The following MARCHF11 variants were observed in gnomAD, a reference collection of about 807,000 sequenced individuals.
The protein encoded by MARCHF11 is membrane associated ring-CH-type finger 11.
Under a neutral mutation model 37.3 loss-of-function variants are expected in MARCHF11, and 29 were observed. That is an observed-to-expected ratio of 0.78 (90% confidence interval 0.58 to 1.06). The LOEUF (loss-of-function observed/expected upper bound fraction) is 1.06. Ranked by LOEUF, MARCHF11 falls within the 50% of genes least tolerant of loss-of-function variation. The pLI is 0.00. For synonymous variants in MARCHF11, 233 were observed against 228.0 expected (o/e 1.02, Z -0.20); for missense variants, 482 against 533.4 (o/e 0.90, Z 0.95).
intron 2 of MARCHF11, among the ~76,000 whole-genome samples, chr5:16,117,156 A>G (rs1737238188): frequency 6.6e-6 from 1 of 152,226 alleles, no homozygotes; most frequent in South Asian, 2.1e-4. Flanking sequence ...CAGTAGCTCT[A>G]TCTGAGAAGA....
chr5:16,166,403 A>T (rs1284464866), intron 2 of MARCHF11, among the ~76,000 whole-genome samples: 1 of 151,936 alleles, frequency 6.6e-6, no homozygotes, highest in Non-Finnish European at 1.5e-5. Flanking sequence ...ATATGTGTAA[A>T]TATTTCTATA....
chr5:16,091,030 T>C lies in MARCHF11; in HGVS notation c.745A>G (p.Ile249Val). Residue 249 changes from isoleucine (I) to valine (V), a missense_variant, in exon 3 of 4, where the codon ATC becomes GTC. Physicochemically the swap from Ile to Val is conservative, Grantham distance 29. Coordinates refer to ENST00000332432, the MANE Select transcript of MARCHF11 (RefSeq NM_001102562.3). ...LVEKVQMIAV[I>V]LGSLFLIASV... is the part of the protein sequence containing the mutation. ...GCTATTAAGAACAGGGATCCTAGGA[T>C]TACAGCAATCATCTGAACTTTCTCA... is the stretch of plus-strand genomic sequence containing the variant. 2 of 1,607,790 alleles carry C rather than the reference T, an allele frequency of 1.2e-6. No homozygotes were observed. The highest frequency in any genetic ancestry group is 1.7e-6 in the Non-Finnish European group (2 of 1,176,912).
intron 2 of MARCHF11, among the ~76,000 whole-genome samples, chr5:16,129,841 C>G (rs1017502488): frequency 2.0e-5 from 3 of 152,096 alleles, no homozygotes; most frequent in African/African-American, 7.2e-5. Context: ...GACCAACTTA[C>G]TTTTATCTTA....
At chr5:16,146,396 A>G (rs1737795494) in intron 2 of MARCHF11, among the ~76,000 whole-genome samples, 1 of 152,218 alleles carries the variant, frequency 6.6e-6, no homozygotes, top group Non-Finnish European at 1.5e-5. Flanking sequence ...TGCTGAAAGC[A>G]TTCTATTTCT....
chr5:16,074,523 G>GT, intron 3 of MARCHF11, among the ~76,000 whole-genome samples: 1 of 152,168 alleles, frequency 6.6e-6, no homozygotes. Context: ...AGACATGTTG[G>GT]TTTTTCTACT....
intron 2 of MARCHF11, among the ~76,000 whole-genome samples, chr5:16,157,231 A>T (rs970695869): frequency 5.9e-5 from 9 of 151,724 alleles, no homozygotes; most frequent in Admixed American, 5.9e-4. Flanking sequence ...GTGTTTGTGG[A>T]TTAGAAAAAT....
intron 2 of MARCHF11, among the ~76,000 whole-genome samples, chr5:16,114,772 C>T (rs963032080): frequency 2.0e-5 from 3 of 151,950 alleles, no homozygotes; most frequent in Admixed American, 6.6e-5. Context: ...TTACAGGCAT[C>T]AGCCATCATG....
intron 2 of MARCHF11, among the ~76,000 whole-genome samples, chr5:16,171,391 A>C (rs1465201460): frequency 6.6e-6 from 1 of 151,946 alleles, no homozygotes; most frequent in Non-Finnish European, 1.5e-5. Flanking sequence ...GGTTGTAAAA[A>C]CCTAAGTCCA....
At chr5:16,166,908 TG>T (rs1738178783) in intron 2 of MARCHF11, among the ~76,000 whole-genome samples, 2 of 150,222 alleles carry the variant, frequency 1.3e-5, no homozygotes, top group Non-Finnish European at 2.9e-5. Flanking sequence ...TGTGTGTGTG[TG>T]TGTGTGTGTA....
At chr5:16,089,191 T>C (rs1388002163) in intron 3 of MARCHF11, among the ~76,000 whole-genome samples, 1 of 152,140 alleles carries the variant, frequency 6.6e-6, no homozygotes, top group African/African-American at 2.4e-5. Flanking sequence ...TTTTTTCCTT[T>C]CCAGGTTGGA....
In MARCHF11 at chr5:16,151,639, C is replaced by T. The variant is rs189800110; in HGVS notation, c.693+26087G>A. On this transcript the variant is annotated intron_variant, in intron 2 of 3. Transcript: ENST00000332432. ...GCATGTCTGTGTGTGTGTGTGCATGCGTGAGTTGAATGTGTGTGTGTGTGT... is the reference window on the plus strand; with the variant it reads ...GCATGTCTGTGTGTGTGTGTGCATGTGTGAGTTGAATGTGTGTGTGTGTGT... Among the ~76,000 whole-genome samples the T allele has an allele frequency of 4.1e-3, 401 of 96,870 alleles. 6 individuals are homozygous for T. The highest frequency in any genetic ancestry group is 0.014 in the African/African-American group (360 of 25,298). 63.6% of individuals were successfully genotyped at this position (96,870 alleles called of 152,430 possible).
chr5:16,080,489 G>C (rs1736588332), intron 3 of MARCHF11, among the ~76,000 whole-genome samples: 1 of 152,152 alleles, frequency 6.6e-6, no homozygotes, highest in Non-Finnish European at 1.5e-5. Context: ...CCTTAAATCT[G>C]GGTGCACACT....
intron 2 of MARCHF11, among the ~76,000 whole-genome samples, chr5:16,091,825 C>CA (rs1183021258): frequency 6.6e-6 from 1 of 152,168 alleles, no homozygotes; most frequent in African/African-American, 2.4e-5. Flanking sequence ...ATTTACAGTA[C>CA]AAATGATCAA....
intron 3 of MARCHF11, among the ~76,000 whole-genome samples, chr5:16,080,528 C>T (rs1353191539): frequency 1.3e-5 from 2 of 152,164 alleles, no homozygotes; most frequent in Non-Finnish European, 2.9e-5. Context: ...TCCCCAGAAA[C>T]TCTGCAAAAA....
At chr5:16,139,570 A>T (rs1737668726) in intron 2 of MARCHF11, among the ~76,000 whole-genome samples, 1 of 152,176 alleles carries the variant, frequency 6.6e-6, no homozygotes. Flanking sequence ...ACCAGTACCA[A>T]CAAAAAAATC....
At chr5:16,067,981 AT>A (rs1736377594) in intron 3 of MARCHF11, among the ~76,000 whole-genome samples, 188 bp from the exon 4 acceptor site, 1 of 152,226 alleles carries the variant, frequency 6.6e-6, no homozygotes, top group African/African-American at 2.4e-5. Flanking sequence ...GAAATAATCC[AT>A]TTTTGAAGAA....
At chr5:16,154,552 G>A (rs1737935581) in intron 2 of MARCHF11, among the ~76,000 whole-genome samples, 1 of 151,172 alleles carries the variant, frequency 6.6e-6, no homozygotes, top group East Asian at 2.0e-4. Context: ...CAATTACATT[G>A]TAAGTTATGT....
Position 16,179,442 on chromosome 5 carries a change from G to A in MARCHF11, c.134C>T (p.Ala45Val), listed in dbSNP as rs1250128488. 3.9e-5 allele frequency: 43 copies of A among 1,114,100 alleles called. No homozygotes were observed. Among genetic ancestry groups the A allele is most frequent in the Non-Finnish European group, 4.4e-5 (40 of 913,990 alleles). The allele number at this position is 1,114,100 out of a possible 1,614,324, so 69.0% of individuals were successfully genotyped here. A position where few individuals can be genotyped will look rare whatever the true frequency, so the allele number is the denominator to read the frequency against. The change falls in exon 1 of 4, where the codon GCC becomes GTC. Residue 45 changes from alanine (A) to valine (V), a missense_variant. Physicochemically the swap from Ala to Val is moderately conservative, Grantham distance 64 (BLOSUM62 0). Coordinates refer to ENST00000332432, the MANE Select transcript of MARCHF11 (RefSeq NM_001102562.3). ...PPGEPAPVPA[A>V]PRYLPPLPAS... ...GGGCAGCGGCGGCAGGTAGCGCGGGGCCGCGGGGACCGGGGCCGGCTCTCC... is the reference window on the plus strand; with the variant it reads ...GGGCAGCGGCGGCAGGTAGCGCGGGACCGCGGGGACCGGGGCCGGCTCTCC...
intron 2 of MARCHF11, among the ~76,000 whole-genome samples, chr5:16,095,307 C>T (rs200068784): frequency 8.5e-5 from 13 of 152,222 alleles, no homozygotes; most frequent in East Asian, 1.9e-4. Context: ...TAAGCTTCAG[C>T]GGGGAGGGCT....
Sources: allele counts gnomAD v4.1 joint callset (sites outside exome capture counted in the v4.1 genomes callset), GRCh38; gene constraint gnomAD v4.1.1; transcripts MANE v1.5; gene names NCBI Gene and HGNC (gene_info 2026-07-23, HGNC 2026-07-21).